Variants in IFT43 observed in about 807,000 individuals in gnomAD.
IFT43 encodes intraflagellar transport protein 43 homolog.
Under a neutral mutation model 32.3 loss-of-function variants are expected in IFT43, and 33 were observed. That is an observed-to-expected ratio of 1.02 (90% CI 0.77 to 1.37). IFT43 has a LOEUF of 1.37. IFT43 is among the 40% of genes most tolerant of loss of function. The probability of loss-of-function intolerance (pLI) is 0.00; values close to 1 mark genes in which losing one functional copy is unlikely to be tolerated. For missense variants in IFT43, 274 were observed against 265.9 expected (o/e 1.03, Z -0.21); for synonymous variants, 93 against 98.2 (o/e 0.95, Z 0.31).
chr14:76,058,888 C>T (rs1216130740), intron 4 of IFT43: 1 of 1,480,650 alleles, frequency 6.8e-7, no homozygotes, highest in Non-Finnish European at 8.9e-7. Context: ...TCCTATCTCC[C>T]ACTGTGTGGT....
chr14:76,058,699 T>TAA, intron 4 of IFT43, 25 bp downstream of exon 4: 1 of 1,611,616 alleles, frequency 6.2e-7, no homozygotes, highest in South Asian at 1.1e-5. Context: ...TTCTTATTCT[T>TAA]ATGGTATCCT....
intron 3 of IFT43, among the ~76,000 whole-genome samples, chr14:76,055,612 T>G (rs979613466): frequency 6.6e-6 from 1 of 152,204 alleles, no homozygotes; most frequent in Non-Finnish European, 1.5e-5. Flanking sequence ...ATTCTGTGTC[T>G]TTTGCTGGGC....
chr14:75,994,331 A>C (rs1033034650), intron 2 of IFT43, among the ~76,000 whole-genome samples: 1 of 152,132 alleles, frequency 6.6e-6, no homozygotes, highest in Non-Finnish European at 1.5e-5. Flanking sequence ...CCAGGTAATT[A>C]AACTCTTCTT....
intron 3 of IFT43, among the ~76,000 whole-genome samples, chr14:76,028,226 T>C (rs965044026): frequency 1.3e-5 from 2 of 152,166 alleles, no homozygotes; most frequent in Non-Finnish European, 2.9e-5. Flanking sequence ...TATAAATAAT[T>C]AGTAATTGGG....
At chr14:76,023,027 C>A (rs2036323998) in intron 3 of IFT43, among the ~76,000 whole-genome samples, 1 of 152,248 alleles carries the variant, frequency 6.6e-6, no homozygotes, top group South Asian at 2.1e-4. Flanking sequence ...GACATTATCT[C>A]ATCAGCCTCT....
At chr14:76,005,264 G>C (rs2139908141) in intron 2 of IFT43, among the ~76,000 whole-genome samples, 1 of 152,292 alleles carries the variant, frequency 6.6e-6, no homozygotes, top group East Asian at 1.9e-4. Flanking sequence ...CCTTAAACTT[G>C]TGGGAACTTG....
chr14:76,027,731 T>C (rs932793741), intron 3 of IFT43, among the ~76,000 whole-genome samples: 1 of 151,296 alleles, frequency 6.6e-6, no homozygotes, highest in Admixed American at 6.6e-5. Flanking sequence ...AAAAGATTCA[T>C]GACATTCTCT....
At chr14:76,004,984 C>T (rs574188645) in intron 2 of IFT43, among the ~76,000 whole-genome samples, 14 of 152,206 alleles carry the variant, frequency 9.2e-5, no homozygotes, top group African/African-American at 3.4e-4. Context: ...TCCCATAAGT[C>T]CTTGAACATA....
chr14:76,051,056 A>G (rs1252886868), intron 3 of IFT43, among the ~76,000 whole-genome samples: 1 of 151,736 alleles, frequency 6.6e-6, no homozygotes, highest in East Asian at 1.9e-4. Context: ...AAGAGAGGAC[A>G]TGGGCATGAG....
intron 1 of IFT43, among the ~76,000 whole-genome samples, chr14:75,988,498 AC>A (rs1326999793): frequency 7.3e-6 from 1 of 136,708 alleles, no homozygotes; most frequent in Non-Finnish European, 1.6e-5. Context: ...GTCCTTGCTT[AC>A]CTTCCCAGGC....
chr14:76,029,124 A>T (rs2036459843), intron 3 of IFT43, among the ~76,000 whole-genome samples: 1 of 151,982 alleles, frequency 6.6e-6, no homozygotes, highest in South Asian at 2.1e-4. Flanking sequence ...AGCCTCACCA[A>T]CATCTGTTAT....
At chr14:76,013,111 G>A (rs990539263) in intron 2 of IFT43, among the ~76,000 whole-genome samples, 15 of 152,192 alleles carry the variant, frequency 9.9e-5, no homozygotes, top group Non-Finnish European at 1.5e-4. Context: ...AAAATGCCAC[G>A]ACTGTCTTAG....
At chr14:76,047,733 CTTT>C (rs74779039) in intron 3 of IFT43, among the ~76,000 whole-genome samples, 7 of 141,424 alleles carry the variant, frequency 4.9e-5, no homozygotes, top group Non-Finnish European at 7.8e-5. Context: ...TCCCTCCCTC[CTTT>C]TTTTTTTTTT....
chr14:76,046,240 G>A (rs548403059), intron 3 of IFT43, among the ~76,000 whole-genome samples: 8 of 152,112 alleles, frequency 5.3e-5, no homozygotes, highest in Non-Finnish European at 8.8e-5. Context: ...GAAATTGAGC[G>A]GTAAATTAAT....
chr14:76,064,107 C>T (rs1016845785), intron 5 of IFT43, among the ~76,000 whole-genome samples: 2 of 152,186 alleles, frequency 1.3e-5, no homozygotes, highest in African/African-American at 4.8e-5. Flanking sequence ...ATACTCTCAT[C>T]ATTCTCCAGT....
At chr14:76,022,025 C>T (rs773547644) in intron 2 of IFT43, among the ~76,000 whole-genome samples, 63 of 152,196 alleles carry the variant, frequency 4.1e-4, no homozygotes, top group Non-Finnish European at 7.8e-4. Context: ...CCCAGGTGGG[C>T]GGATCACTTG....
intron 3 of IFT43, among the ~76,000 whole-genome samples, chr14:76,031,558 T>A (rs2036510340): frequency 1.3e-5 from 2 of 152,360 alleles, no homozygotes; most frequent in South Asian, 4.1e-4. Flanking sequence ...GAGCTTTGTT[T>A]TCCTAAATTA....
intron 5 of IFT43, among the ~76,000 whole-genome samples, chr14:76,080,426 G>A (rs943948174): frequency 6.6e-6 from 1 of 152,184 alleles, no homozygotes; most frequent in Admixed American, 6.5e-5. Context: ...TGGACATCGG[G>A]CAGAAGTGCA....
intron 5 of IFT43, among the ~76,000 whole-genome samples, chr14:76,079,542 C>T (rs1191233886): frequency 6.6e-6 from 1 of 152,178 alleles, no homozygotes; most frequent in Non-Finnish European, 1.5e-5. Flanking sequence ...CTCCTTCCTC[C>T]AGAGCCTGCT....
Sources: gnomAD v4.1 joint callset for allele counts (sites outside exome capture counted in the v4.1 genomes callset) on GRCh38, gnomAD v4.1.1 for gene constraint, MANE v1.5 for transcripts, NCBI Gene and HGNC (gene_info 2026-07-23, HGNC 2026-07-21) for gene names.